PRKN: variants seen among roughly 807,000 people sequenced by gnomAD.
The protein encoded by PRKN is parkin RBR E3 ubiquitin protein ligase.
A neutral mutation model predicts 59.5 loss-of-function variants in PRKN; 56 were observed. The observed-to-expected ratio is 0.94, with a 90% CI of 0.76 to 1.18. The LOEUF is 1.18. Ranked by LOEUF, PRKN falls within the 50% of genes most tolerant of loss-of-function variation. The pLI is 0.00. For missense variants in PRKN, 657 were observed against 596.4 expected (o/e 1.10, Z -1.06); for synonymous variants, 250 against 222.1 (o/e 1.13, Z -1.12).
intron 6 of PRKN, among the ~76,000 whole-genome samples, chr6:161,860,534 A>G (rs1793854010): frequency 6.6e-6 from 1 of 152,248 alleles, no homozygotes; most frequent in Non-Finnish European, 1.5e-5. Flanking sequence ...GCCCTAAAAC[A>G]GAACTCCCTC....
chr6:161,749,080 C>G (rs777269698), intron 7 of PRKN, among the ~76,000 whole-genome samples: 1 of 152,106 alleles, frequency 6.6e-6, no homozygotes, highest in Non-Finnish European at 1.5e-5. Context: ...ACAGATGACT[C>G]TCTATAGTAA....
intron 5 of PRKN, among the ~76,000 whole-genome samples, chr6:162,051,641 T>C (rs1317797506): frequency 6.6e-6 from 1 of 152,122 alleles, no homozygotes; most frequent in Non-Finnish European, 1.5e-5. Flanking sequence ...TCGGGGGCGA[T>C]GATGGACTTT....
intron 2 of PRKN, among the ~76,000 whole-genome samples, chr6:162,381,606 A>G (rs1343258514): frequency 6.6e-6 from 1 of 152,196 alleles, no homozygotes; most frequent in Non-Finnish European, 1.5e-5. Flanking sequence ...CTTAATATTA[A>G]ACACCACAAT....
intron 1 of PRKN, among the ~76,000 whole-genome samples, chr6:162,626,758 G>C (rs1197984178): frequency 6.7e-6 from 1 of 150,104 alleles, no homozygotes; most frequent in Non-Finnish European, 1.5e-5. Context: ...AGGTTGCAGT[G>C]AGCCAAGATC....
chr6:161,635,620 T>C (rs1283815372), intron 7 of PRKN, among the ~76,000 whole-genome samples: 1 of 152,228 alleles, frequency 6.6e-6, no homozygotes, highest in Non-Finnish European at 1.5e-5. Flanking sequence ...TCCCGGATTT[T>C]ATGCAAAGCT....
chr6:161,948,112 AG>A (rs1400101820), intron 6 of PRKN, among the ~76,000 whole-genome samples: 1 of 152,016 alleles, frequency 6.6e-6, no homozygotes, highest in Non-Finnish European at 1.5e-5. Context: ...CAGCCTCCCA[AG>A]TAGCTGGGAT....
intron 1 of PRKN, among the ~76,000 whole-genome samples, chr6:162,519,429 T>C (rs530684776): frequency 6.6e-6 from 1 of 152,270 alleles, no homozygotes; most frequent in South Asian, 2.1e-4. Flanking sequence ...ATAGCTTTAT[T>C]TTGGGCTTTG....
At chr6:162,664,488 G>C (rs180693398) in intron 1 of PRKN, among the ~76,000 whole-genome samples, 67 of 152,228 alleles carry the variant, frequency 4.4e-4, no homozygotes, top group Middle Eastern at 3.4e-3. Flanking sequence ...CACAACGGTC[G>C]AACTAATTTA....
At chr6:162,691,059 T>G (rs906215873) in intron 1 of PRKN, among the ~76,000 whole-genome samples, 3 of 152,152 alleles carry the variant, frequency 2.0e-5, no homozygotes, top group Non-Finnish European at 4.4e-5. Flanking sequence ...CCATTCATCT[T>G]TTTCAAAATA....
chr6:162,074,685 C>A (rs1205003523), intron 4 of PRKN, among the ~76,000 whole-genome samples: 1 of 152,156 alleles, frequency 6.6e-6, no homozygotes, highest in African/African-American at 2.4e-5. Flanking sequence ...AGTGAAGTGA[C>A]TCGTCCTCCA....
intron 9 of PRKN, among the ~76,000 whole-genome samples, chr6:161,534,526 T>C (rs1195565147): frequency 2.0e-5 from 3 of 152,014 alleles, no homozygotes; most frequent in Non-Finnish European, 2.9e-5. Flanking sequence ...CACGTGACTA[T>C]GAGATGTGTT....
chr6:161,716,304 G>C (rs1278319008), intron 7 of PRKN, among the ~76,000 whole-genome samples: 2 of 152,170 alleles, frequency 1.3e-5, no homozygotes, highest in Non-Finnish European at 2.9e-5. Context: ...GGCCTCTGCT[G>C]TTTCTCTTTA....
chr6:162,077,672 AG>A (rs1778883881), intron 4 of PRKN, among the ~76,000 whole-genome samples: 1 of 151,928 alleles, frequency 6.6e-6, no homozygotes, highest in South Asian at 2.1e-4. Context: ...GGTTTAGGTA[AG>A]GAAAAAATTA....
At chr6:161,485,597 G>C (rs1404979121) in intron 9 of PRKN, among the ~76,000 whole-genome samples, 1 of 152,178 alleles carries the variant, frequency 6.6e-6, no homozygotes, top group African/African-American at 2.4e-5. Flanking sequence ...ATACGAAGAT[G>C]TTTCTAAAAT....
intron 1 of PRKN, among the ~76,000 whole-genome samples, chr6:162,665,776 A>G (rs981343614): frequency 2.0e-5 from 3 of 152,224 alleles, no homozygotes; most frequent in African/African-American, 7.2e-5. Context: ...CCTGACTTCA[A>G]ACTATACTAC....
chr6:161,925,762 AT>A (rs2128239793), intron 6 of PRKN, among the ~76,000 whole-genome samples: 1 of 152,310 alleles, frequency 6.6e-6, no homozygotes, highest in African/African-American at 2.4e-5. Context: ...CACAATATGA[AT>A]GATGTTTAGG....
At chr6:162,043,899 A>G (rs530388870) in intron 5 of PRKN, among the ~76,000 whole-genome samples, 61 of 152,322 alleles carry the variant, frequency 4.0e-4, no homozygotes, top group African/African-American at 1.4e-3. Flanking sequence ...ACTGAGGAAC[A>G]CCCTGGAGAA....
At chr6:162,717,880 A>G (rs1180815865) in intron 1 of PRKN, among the ~76,000 whole-genome samples, 3 of 152,226 alleles carry the variant, frequency 2.0e-5, no homozygotes, top group Non-Finnish European at 2.9e-5. Context: ...GTATTACCAC[A>G]ATGCATTTGT....
intron 1 of PRKN, among the ~76,000 whole-genome samples, chr6:162,469,470 G>T (rs560983537): frequency 6.6e-6 from 1 of 151,026 alleles, no homozygotes; most frequent in East Asian, 2.0e-4. Flanking sequence ...ATCAATCAAT[G>T]AGTGGATCAA....
Sources: gnomAD v4.1 joint callset for allele counts (sites outside exome capture counted in the v4.1 genomes callset) on GRCh38, gnomAD v4.1.1 for gene constraint, MANE v1.5 for transcripts, NCBI Gene and HGNC (gene_info 2026-07-23, HGNC 2026-07-21) for gene names.